Variants in GABRA5 observed in about 807,000 individuals in gnomAD.
The protein encoded by GABRA5 is gamma-aminobutyric acid type A receptor subunit alpha5.
In GABRA5, 18 loss-of-function variants were observed where a neutral mutation model predicts 47.3. The observed-to-expected ratio is 0.38, with a 90% CI of 0.26 to 0.56. The LOEUF (loss-of-function observed/expected upper bound fraction) is 0.56, where lower values mean the gene tolerates loss of function less well. GABRA5 is among the 20% of genes least tolerant of loss of function. The pLI, the probability that GABRA5 is intolerant of heterozygous loss-of-function variation, is 0.71. For synonymous variants in GABRA5, 237 were observed against 229.3 expected, an observed-to-expected ratio of 1.03 and a Z score of -0.30; for missense variants, 365 against 599.3, an observed-to-expected ratio of 0.61 and a Z score of 4.08.
chr15:26,915,545 T>C (rs1452862340), intron 7 of GABRA5, among the ~76,000 whole-genome samples: 1 of 152,232 alleles, frequency 6.6e-6, no homozygotes, highest in Non-Finnish European at 1.5e-5. Flanking sequence ...ATGTAATCCA[T>C]TTTCTTTACT....
chr15:26,924,814 A>T (rs1263639348), intron 7 of GABRA5, among the ~76,000 whole-genome samples: 1 of 152,094 alleles, frequency 6.6e-6, no homozygotes, highest in African/African-American at 2.4e-5. Context: ...TCGCACAGGC[A>T]TCAGTTTTTG....
intron 6 of GABRA5, among the ~76,000 whole-genome samples, chr15:26,906,447 A>G (rs1029084993): frequency 1.1e-4 from 17 of 152,188 alleles, no homozygotes; most frequent in Non-Finnish European, 2.1e-4. Flanking sequence ...TCAGCCAGAC[A>G]TGAAAACTTT....
At chr15:26,913,686 T>C (rs1422579926) in intron 6 of GABRA5, among the ~76,000 whole-genome samples, 3 of 152,148 alleles carry the variant, frequency 2.0e-5, no homozygotes, top group Non-Finnish European at 2.9e-5. Context: ...TTTTAAATAA[T>C]GGAAAGAAAA....
At chr15:26,877,776 A>T (rs1030570004) in intron 3 of GABRA5, 7 of 412,206 alleles carry the variant, frequency 1.7e-5, no homozygotes, top group Middle Eastern at 3.5e-4. Context: ...CATTCAATAT[A>T]AGGAAATAAT....
chr15:26,894,564 C>G (rs996115226), intron 6 of GABRA5, among the ~76,000 whole-genome samples: 1 of 152,006 alleles, frequency 6.6e-6, no homozygotes, highest in African/African-American at 2.4e-5. Context: ...TGTCAAGCCT[C>G]TTCTCCTGGT....
At position 26,929,758 on chromosome 15, in the gene GABRA5, G is replaced by A. The variant is rs549741529; in HGVS notation, c.581-7427G>A. ...AGGTAAGGCAGTGCACATCAGGGCA[G>A]GGCAGGGCGCCTCTCCGTCCTGCAG... On this transcript the variant is annotated intron_variant, in intron 7 of 10. Transcript: ENST00000335625. 3.3e-5 allele frequency among the ~76,000 whole-genome samples: 5 copies of A among 152,286 alleles called. No individual in the cohort carries two copies. In the East Asian group the frequency reaches 9.7e-4, roughly 30 times the overall value.
intron 6 of GABRA5, among the ~76,000 whole-genome samples, chr15:26,905,180 G>C (rs1893415109): frequency 6.6e-6 from 1 of 151,838 alleles, no homozygotes. Flanking sequence ...TACATTAATT[G>C]ATTTTGGAAT....
chr15:26,939,037 C>T (rs911411552), intron 8 of GABRA5, among the ~76,000 whole-genome samples: 2 of 152,210 alleles, frequency 1.3e-5, no homozygotes, highest in African/African-American at 4.8e-5. Context: ...GCCTGTTCTC[C>T]CCACGTTCAC....
At chr15:26,931,024 T>C (rs1894094225) in intron 7 of GABRA5, among the ~76,000 whole-genome samples, 1 of 151,556 alleles carries the variant, frequency 6.6e-6, no homozygotes, top group Admixed American at 6.6e-5. Context: ...GCCTCCTGAG[T>C]AGCTGGGATT....
At chr15:26,870,091 T>A in intron 3 of GABRA5, among the ~76,000 whole-genome samples, 1 of 152,240 alleles carries the variant, frequency 6.6e-6, no homozygotes, top group Non-Finnish European at 1.5e-5. Flanking sequence ...GTTGATGGCA[T>A]ATAATTAAGA....
chr15:26,885,289 A>G (rs955950591), intron 6 of GABRA5, among the ~76,000 whole-genome samples: 1 of 134,064 alleles, frequency 7.5e-6, no homozygotes, highest in Non-Finnish European at 1.6e-5. Context: ...ACAGAGCAAG[A>G]CTCCGTTTCA....
intron 6 of GABRA5, among the ~76,000 whole-genome samples, chr15:26,886,630 A>G (rs1288200339): frequency 2.6e-5 from 4 of 152,160 alleles, no homozygotes; most frequent in Non-Finnish European, 4.4e-5. Flanking sequence ...TTTCTGAGCA[A>G]TGTTCTTGTT....
intron 6 of GABRA5, among the ~76,000 whole-genome samples, chr15:26,914,049 C>T (rs6606854): frequency 0.35 from 52,594 of 152,010 alleles, 9,713 homozygotes; most frequent in East Asian, 0.54. Context: ...CAGGTAGAAT[C>T]CCTCACAGGC....
At chr15:26,939,839 G>C in intron 8 of GABRA5, 86 bp from the exon 9 acceptor site, 1 of 1,381,172 alleles carries the variant, frequency 7.2e-7, no homozygotes, top group South Asian at 1.2e-5. Flanking sequence ...CGACAGGGGA[G>C]TGGAAGGGAG....
At chr15:26,928,419 A>C (rs904302823) in intron 7 of GABRA5, among the ~76,000 whole-genome samples, 15 of 152,192 alleles carry the variant, frequency 9.9e-5, no homozygotes, top group Admixed American at 9.2e-4. Context: ...AGATTGTTTC[A>C]ACAATCACGT....
At chr15:26,937,365 T>A in intron 8 of GABRA5, 37 bp downstream of exon 8, 1 of 1,565,694 alleles carries the variant, frequency 6.4e-7, no homozygotes, top group Middle Eastern at 1.8e-4. Context: ...CCAGGCGCAC[T>A]CAGGACACCA....
chr15:26,903,636 G>C (rs1366821938), intron 6 of GABRA5, among the ~76,000 whole-genome samples: 1 of 151,878 alleles, frequency 6.6e-6, no homozygotes, highest in African/African-American at 2.4e-5. Flanking sequence ...TGACCTTTTA[G>C]TAATAGCCAT....
intron 6 of GABRA5, among the ~76,000 whole-genome samples, chr15:26,894,788 G>T (rs1893138933): frequency 6.6e-6 from 1 of 152,142 alleles, no homozygotes; most frequent in Non-Finnish European, 1.5e-5. Context: ...AAGTCCCGCG[G>T]ATCCATAGGC....
At chr15:26,896,646 G>T (rs1009638370) in intron 6 of GABRA5, among the ~76,000 whole-genome samples, 6 of 152,012 alleles carry the variant, frequency 3.9e-5, no homozygotes, top group African/African-American at 1.4e-4. Flanking sequence ...AATAGGAGTT[G>T]GTAGGTTTAT....
Sources: allele counts gnomAD v4.1 joint callset (sites outside exome capture counted in the v4.1 genomes callset), GRCh38; gene constraint gnomAD v4.1.1; transcripts MANE v1.5; gene names NCBI Gene and HGNC (gene_info 2026-07-23, HGNC 2026-07-21).